The following ADAMTS12 variants were observed in gnomAD, a reference collection of about 807,000 sequenced individuals.
ADAMTS12 encodes ADAM metallopeptidase with thrombospondin type 1 motif 12.
In ADAMTS12, 118 loss-of-function variants were observed where a neutral mutation model predicts 167.8. The ratio of observed to expected loss-of-function variants is 0.70; its 90% CI spans 0.61 to 0.82. ADAMTS12 has a LOEUF of 0.82. Among genes scored for constraint, ADAMTS12 ranks in the 40% least tolerant of loss-of-function variants. The pLI is 0.00. For missense variants in ADAMTS12, 1,916 were observed against 1,998.8 expected (o/e 0.96, Z 0.79); for synonymous variants, 704 against 716.9 (o/e 0.98, Z 0.29).
Position 33,869,623 on chromosome 5 carries a change from G to C in ADAMTS12, c.489+11496C>G, listed in dbSNP as rs193072434. Among the ~76,000 whole-genome samples the C allele has an allele frequency of 7.6e-3, 1,163 of 152,280 alleles. 14 individuals are homozygous for C. The highest frequency in any genetic ancestry group is 0.027 in the African/African-American group (1,104 of 41,550). ...GTTTTTATTAGCGATTTTCAAAGGG[G>C]AGGGAGTGTACGAATAGGGTGTGGG... is the stretch of plus-strand genomic sequence containing the variant. On this transcript the variant is annotated intron_variant, in intron 2 of 23. Transcript: ENST00000504830.
chr5:33,558,811 T>C (rs757121015), intron 20 of ADAMTS12, among the ~76,000 whole-genome samples: 4 of 152,238 alleles, frequency 2.6e-5, no homozygotes, highest in Admixed American at 6.5e-5. Flanking sequence ...GAGATTTCTC[T>C]GGATATGGAA....
At chr5:33,667,088 A>C (rs1741500218) in intron 5 of ADAMTS12, among the ~76,000 whole-genome samples, 1 of 152,212 alleles carries the variant, frequency 6.6e-6, no homozygotes, top group African/African-American at 2.4e-5. Flanking sequence ...AATGGTTTTC[A>C]AGTGGTAAAG....
chr5:33,577,207 A>G (rs756263283), intron 18 of ADAMTS12, 47 bp from the exon 19 acceptor site: 16 of 1,612,254 alleles, frequency 9.9e-6, no homozygotes, highest in Non-Finnish European at 1.3e-5. Flanking sequence ...AGATGCTTTT[A>G]TTCTCATGGT....
intron 2 of ADAMTS12, among the ~76,000 whole-genome samples, chr5:33,839,300 T>A (rs959051244): frequency 6.6e-6 from 1 of 152,246 alleles, no homozygotes; most frequent in Admixed American, 6.5e-5. Context: ...TGTGCTATTA[T>A]TAGCAGAAAT....
chr5:33,697,194 G>A (rs1742812411), intron 3 of ADAMTS12, among the ~76,000 whole-genome samples: 1 of 152,162 alleles, frequency 6.6e-6, no homozygotes, highest in Non-Finnish European at 1.5e-5. Flanking sequence ...TTCAGAAACT[G>A]CCGGGCTCTC....
chr5:33,588,933 A>T (rs78068038), intron 17 of ADAMTS12, 124 bp from the exon 18 acceptor site: 22,101 of 1,179,038 alleles, frequency 0.019, 285 homozygotes, highest in Non-Finnish European at 0.023. Context: ...AGACACTCCA[A>T]CCCACTAGGG....
At chr5:33,725,039 G>A (rs1293132015) in intron 3 of ADAMTS12, among the ~76,000 whole-genome samples, 3 of 152,134 alleles carry the variant, frequency 2.0e-5, no homozygotes, top group Non-Finnish European at 4.4e-5. Flanking sequence ...CCCATTTCAT[G>A]ATACTACTAA....
chr5:33,568,122 T>C (rs1331513773), intron 19 of ADAMTS12, among the ~76,000 whole-genome samples: 1 of 152,142 alleles, frequency 6.6e-6, no homozygotes, highest in Admixed American at 6.5e-5. Flanking sequence ...GGAAAGAAAC[T>C]GATTAGGAAA....
chr5:33,707,566 C>T (rs1434944589), intron 3 of ADAMTS12, among the ~76,000 whole-genome samples: 1 of 152,158 alleles, frequency 6.6e-6, no homozygotes, highest in Non-Finnish European at 1.5e-5. Context: ...TACAAGGCTA[C>T]AGTTACCAAA....
chr5:33,690,606 T>A (rs1742515500), intron 3 of ADAMTS12, among the ~76,000 whole-genome samples: 1 of 152,142 alleles, frequency 6.6e-6, no homozygotes, highest in South Asian at 2.1e-4. Flanking sequence ...AATACCAACA[T>A]AATTACATCA....
chr5:33,854,835 C>T (rs903663475), intron 2 of ADAMTS12, among the ~76,000 whole-genome samples: 1 of 152,234 alleles, frequency 6.6e-6, no homozygotes, highest in African/African-American at 2.4e-5. Context: ...AAGCATGGGT[C>T]TTACCAGGCA....
intron 12 of ADAMTS12, among the ~76,000 whole-genome samples, chr5:33,636,034 C>A (rs1254843492): frequency 1.3e-5 from 2 of 152,192 alleles, no homozygotes; most frequent in Non-Finnish European, 2.9e-5. Context: ...ATAACGCTCA[C>A]TTCTTTAGTA....
intron 2 of ADAMTS12, among the ~76,000 whole-genome samples, chr5:33,799,884 A>G (rs959912816): frequency 2.6e-5 from 4 of 152,162 alleles, no homozygotes; most frequent in Non-Finnish European, 4.4e-5. Context: ...CTCAATCCAG[A>G]TAAGGGCAAC....
At position 33,573,361 on chromosome 5, in the gene ADAMTS12, T is replaced by C. The variant is rs571314974; in HGVS notation, c.3972+2693A>G. On this transcript the variant is annotated intron_variant, in intron 19 of 23. Coordinates refer to ENST00000504830, the MANE Select transcript of ADAMTS12 (RefSeq NM_030955.4). ...CTGACTTCAAACTATACTACAAGGC[T>C]ACAGTAATCAAAACAGCATGGTACT... Among the ~76,000 whole-genome samples, 10 of 152,276 alleles carry C rather than the reference T, an allele frequency of 6.6e-5. No individual in the cohort carries two copies. In the East Asian group the frequency reaches 1.3e-3, roughly 21 times the overall value.
At chr5:33,745,661 A>G (rs768728039) in intron 3 of ADAMTS12, among the ~76,000 whole-genome samples, 4 of 152,142 alleles carry the variant, frequency 2.6e-5, no homozygotes, top group Non-Finnish European at 5.9e-5. Flanking sequence ...GAAGTGATGA[A>G]GGAACATACC....
intron 2 of ADAMTS12, among the ~76,000 whole-genome samples, chr5:33,855,642 C>A (rs1353851590): frequency 2.7e-5 from 4 of 149,976 alleles, no homozygotes; most frequent in South Asian, 2.1e-4. Flanking sequence ...TGTGTCACTG[C>A]AGTTTTGCAT....
At chr5:33,853,800 C>A (rs565148386) in intron 2 of ADAMTS12, among the ~76,000 whole-genome samples, 7 of 152,324 alleles carry the variant, frequency 4.6e-5, no homozygotes, top group Admixed American at 1.3e-4. Flanking sequence ...ACATACAAAT[C>A]ACCTGGGGAT....
intron 3 of ADAMTS12, among the ~76,000 whole-genome samples, chr5:33,733,145 T>C (rs1744248845): frequency 6.6e-6 from 1 of 152,088 alleles, no homozygotes; most frequent in Admixed American, 6.6e-5. Flanking sequence ...TGAGTGACTT[T>C]TATTTTCCTC....
At chr5:33,693,887 T>A (rs1742646790) in intron 3 of ADAMTS12, among the ~76,000 whole-genome samples, 1 of 152,162 alleles carries the variant, frequency 6.6e-6, no homozygotes. Flanking sequence ...TCTATCTCTG[T>A]TTGCAGATGA....
Sources: allele counts gnomAD v4.1 joint callset (sites outside exome capture counted in the v4.1 genomes callset), GRCh38; gene constraint gnomAD v4.1.1; transcripts MANE v1.5; gene names NCBI Gene and HGNC (gene_info 2026-07-23, HGNC 2026-07-21).